ZNF560: variants seen among roughly 807,000 people sequenced by gnomAD.
ZNF560 encodes the protein zinc finger protein 560.
In ZNF560, 54 loss-of-function variants were observed where a neutral mutation model predicts 81.8. That is an observed-to-expected ratio of 0.66 (90% CI 0.53 to 0.83). ZNF560 has a LOEUF of 0.83. Among genes scored for constraint, ZNF560 ranks in the 40% least tolerant of loss-of-function variants. ZNF560 has a pLI of 0.00. For synonymous variants in ZNF560, 321 were observed against 317.9 expected, an observed-to-expected ratio of 1.01 and a Z score of -0.10; for missense variants, 940 against 932.4, an observed-to-expected ratio of 1.01 and a Z score of -0.11.
the ZNF560 span, among the ~76,000 whole-genome samples, chr19:9,458,956 C>T: frequency 6.6e-6 from 1 of 152,226 alleles, no homozygotes; most frequent in Non-Finnish European, 1.5e-5. Flanking sequence ...GTCTGGGCTA[C>T]ATGCCAATCA....
At chr19:9,500,758 G>T (rs140506328), upstream of ZNF560, among the ~76,000 whole-genome samples, 15,373 of 151,934 alleles carry the variant, frequency 0.1, 909 homozygotes, top group South Asian at 0.2. Flanking sequence ...TGTATTTTTA[G>T]TAGAGACGGG....
At chr19:9,469,749 T>C (rs1180198943) in intron 7 of ZNF560, 39 bp from the exon 8 acceptor site, 6 of 1,586,378 alleles carry the variant, frequency 3.8e-6, no homozygotes, top group Non-Finnish European at 5.2e-6. Context: ...AAGAGGCTCA[T>C]GCAAGAAATG....
chr19:9,504,169 C>G, the ZNF560 span, among the ~76,000 whole-genome samples: 1 of 152,156 alleles, frequency 6.6e-6, no homozygotes, highest in Non-Finnish European at 1.5e-5. Flanking sequence ...TGCGGTGGCT[C>G]ACACCTGTAA....
intron 2 of ZNF560, among the ~76,000 whole-genome samples, chr19:9,486,908 G>T (rs1380194779): frequency 6.6e-6 from 1 of 152,156 alleles, no homozygotes; most frequent in African/African-American, 2.4e-5. Context: ...CTTTAACCAA[G>T]ATATTTATTC....
Position 9,466,902 on chromosome 19 carries a change from T to C in ZNF560, c.2045A>G (p.Lys682Arg). 6.2e-7 allele frequency: 1 copy of C among 1,614,128 alleles called. No homozygotes were observed. Among genetic ancestry groups the C allele is most frequent in the African/African-American group, 1.3e-5 (1 of 75,060 alleles). The change falls in exon 10 of 10, where the codon AAG (lysine) becomes AGG (arginine). Residue 682 changes from lysine (K) to arginine (R), a missense_variant. Coordinates refer to ENST00000301480, the MANE Select transcript of ZNF560 (RefSeq NM_152476.3). Reference sequence around the variant, plus strand: ...TCCACATGCGTTACATTCAGAGGTCTTCTCTGCTGCATGAGTTTTTAAGTG... The same window carrying C: ...TCCACATGCGTTACATTCAGAGGTCCTCTCTGCTGCATGAGTTTTTAAGTG... ...TQHLKTHAAE[K>R]TSECNACGNS...
chr19:9,482,019 C>A lies in ZNF560; in HGVS notation c.-56-6650G>T, dbSNP rs568639985. ...ATTCACAATAGCAAACACTTGGAAC[C>A]AACCCAAATGTCAATCAATGATAGA... On this transcript the variant is annotated intron_variant, in intron 2 of 9. Coordinates refer to ENST00000301480, the MANE Select transcript of ZNF560 (RefSeq NM_152476.3). Among the ~76,000 whole-genome samples the A allele has an allele frequency of 2.0e-5, 3 of 152,272 alleles. No homozygotes were observed. In the East Asian group the frequency reaches 5.8e-4, roughly 29 times the overall value.
chr19:9,483,068 C>T (rs1327459727), intron 2 of ZNF560, among the ~76,000 whole-genome samples: 1 of 152,108 alleles, frequency 6.6e-6, no homozygotes, highest in Non-Finnish European at 1.5e-5. Context: ...AGATTGCAGC[C>T]TCTGCCCGGC....
At chr19:9,451,827 C>A in the ZNF560 span, among the ~76,000 whole-genome samples, 2 of 152,162 alleles carry the variant, frequency 1.3e-5, no homozygotes, top group African/African-American at 2.4e-5. Context: ...GTAACCCCAG[C>A]ACTTTGGGAG....
upstream of ZNF560, among the ~76,000 whole-genome samples, chr19:9,499,144 C>T (rs1172491385): frequency 6.6e-6 from 1 of 151,952 alleles, no homozygotes; most frequent in East Asian, 1.9e-4. Flanking sequence ...GTAAATATTG[C>T]AATTTTTTTC....
Position 9,467,028 on chromosome 19 carries a change from G to C in ZNF560, c.1919C>G (p.Ser640Cys). 2 of 1,612,590 alleles carry C rather than the reference G, an allele frequency of 1.2e-6. No homozygotes were observed. Among genetic ancestry groups the C allele is most frequent in the Non-Finnish European group, 1.7e-6 (2 of 1,179,646 alleles). Residue 640 changes from serine to cysteine, a missense_variant, in exon 10 of 10, where the codon TCC becomes TGC. Transcript: ENST00000301480. ...TCTTAAATGATCAACTAGACTGGAG[G>C]AGACAACAAAGGCTTTCCCACAGTC... ...YKDCGKAFVV[S>C]SSLVDHLRTH...
chr19:9,450,810 A>G, the ZNF560 span, among the ~76,000 whole-genome samples: 1 of 152,296 alleles, frequency 6.6e-6, no homozygotes, highest in Admixed American at 6.5e-5. Context: ...GATTACAGGC[A>G]TGAGCCACCA....
the ZNF560 span, among the ~76,000 whole-genome samples, chr19:9,455,555 T>C: frequency 1.3e-5 from 2 of 152,170 alleles, no homozygotes; most frequent in African/African-American, 4.8e-5. Flanking sequence ...AAAAAATCTC[T>C]TCAGGTGGAG....
rs1157778424 is a variant in ZNF560 at position 9,467,459 on chromosome 19, G to T, written c.1488C>A (p.Val496=). ...KRFDCDQCGK[V]FVSFSSLFAH... ...CAAAAAGAGATGAGAAAGAAACAAA[G>T]ACTTTCCCACACTGGTCACAATCAA... The change falls in exon 10 of 10, where the codon GTC becomes GTA. Residue 496 remains valine, a synonymous_variant. Coordinates refer to ENST00000301480, the MANE Select transcript of ZNF560 (RefSeq NM_152476.3). 6.2e-7 allele frequency: 1 copy of T among 1,614,084 alleles called. No individual in the cohort carries two copies. The highest frequency in any genetic ancestry group is 2.2e-5 in the East Asian group (1 of 44,874).
downstream of ZNF560, among the ~76,000 whole-genome samples, chr19:9,461,354 CAAG>C (rs941236100): frequency 6.6e-6 from 1 of 152,106 alleles, no homozygotes; most frequent in Non-Finnish European, 1.5e-5. Context: ...AGTGAGAGCT[CAAG>C]AAGGAGTTGG....
At chr19:9,451,975 C>T in the ZNF560 span, among the ~76,000 whole-genome samples, 1 of 152,024 alleles carries the variant, frequency 6.6e-6, no homozygotes, top group African/African-American at 2.4e-5. Flanking sequence ...ACTCATGAGG[C>T]TGAGGCAGGA....
intron 2 of ZNF560, among the ~76,000 whole-genome samples, chr19:9,480,017 A>G (rs149179035): frequency 1.1e-3 from 175 of 152,332 alleles, no homozygotes; most frequent in African/African-American, 4.0e-3. Flanking sequence ...AGATTGCAAT[A>G]AAATAATGGG....
chr19:9,492,874 A>T (rs1054362364), intron 2 of ZNF560, among the ~76,000 whole-genome samples: 7 of 152,192 alleles, frequency 4.6e-5, no homozygotes, highest in African/African-American at 1.7e-4. Flanking sequence ...TAATTTGGAG[A>T]TCTGAGTCCA....
intron 2 of ZNF560, among the ~76,000 whole-genome samples, chr19:9,487,004 G>A (rs1279898677): frequency 2.0e-5 from 3 of 152,012 alleles, no homozygotes; most frequent in African/African-American, 7.3e-5. Context: ...CTTTTCGTAA[G>A]CAACTTCCTC....
At chr19:9,506,414 GTT>G in the ZNF560 span, among the ~76,000 whole-genome samples, 71,542 of 138,474 alleles carry the variant, frequency 0.52, 18,549 homozygotes, top group South Asian at 0.67. Context: ...CGCTTCTGTT[GTT>G]TTTTTTTTTT....
Sources: allele counts gnomAD v4.1 joint callset (sites outside exome capture counted in the v4.1 genomes callset), GRCh38; gene constraint gnomAD v4.1.1; transcripts MANE v1.5; gene names NCBI Gene and HGNC (gene_info 2026-07-23, HGNC 2026-07-21).